ATP6V0E1: variants seen among roughly 807,000 people sequenced by gnomAD.
The protein encoded by ATP6V0E1 is V-type proton ATPase subunit e 1.
Under a neutral mutation model 11.6 loss-of-function variants are expected in ATP6V0E1, and 4 were observed. The observed-to-expected ratio is 0.35, with a 90% CI of 0.17 to 0.79. ATP6V0E1 has a LOEUF of 0.79. Among genes scored for constraint, ATP6V0E1 ranks in the 30% least tolerant of loss-of-function variants. The pLI is 0.54. For synonymous variants in ATP6V0E1, 36 were observed against 34.8 expected (o/e 1.04, Z -0.13); for missense variants, 105 against 100.0 (o/e 1.05, Z -0.21).
At chr5:173,025,233 C>T (rs1756539425) in intron 3 of ATP6V0E1, among the ~76,000 whole-genome samples, 1 of 150,326 alleles carries the variant, frequency 6.7e-6, no homozygotes, top group African/African-American at 2.5e-5. Flanking sequence ...CTGAAACCTC[C>T]ACCTCCCAGG....
At chr5:172,999,974 A>G (rs1339998134) in intron 2 of ATP6V0E1, among the ~76,000 whole-genome samples, 1 of 152,230 alleles carries the variant, frequency 6.6e-6, no homozygotes, top group South Asian at 2.1e-4. Context: ...TTATTCCACA[A>G]AAGAGTGAGA....
intron 3 of ATP6V0E1, among the ~76,000 whole-genome samples, chr5:173,032,954 G>C (rs187776560): frequency 6.6e-6 from 1 of 152,172 alleles, no homozygotes; most frequent in Non-Finnish European, 1.5e-5. Flanking sequence ...AAATTAGCTG[G>C]GCATGATGGC....
intron 3 of ATP6V0E1, among the ~76,000 whole-genome samples, chr5:173,030,289 A>G (rs1382254722): frequency 6.6e-6 from 1 of 152,234 alleles, no homozygotes; most frequent in African/African-American, 2.4e-5. Flanking sequence ...ATAGTAAAGA[A>G]GGAATTATTT....
At chr5:172,999,229 C>T (rs1756116898) in intron 2 of ATP6V0E1, among the ~76,000 whole-genome samples, 1 of 152,134 alleles carries the variant, frequency 6.6e-6, no homozygotes. Context: ...CTTCCTGGTT[C>T]TCCATAGTCT....
intron 3 of ATP6V0E1, among the ~76,000 whole-genome samples, chr5:173,027,298 TAACAC>T: frequency 7.3e-6 from 1 of 136,894 alleles, no homozygotes; most frequent in East Asian, 2.1e-4. Flanking sequence ...CCATCCTGGC[TAACAC>T]GGTGAAACCC....
intron 2 of ATP6V0E1, among the ~76,000 whole-genome samples, chr5:173,013,372 G>A (rs1475677890): frequency 1.3e-5 from 2 of 151,800 alleles, no homozygotes; most frequent in Non-Finnish European, 2.9e-5. Flanking sequence ...TCAGGAGATC[G>A]AGACCATCCT....
chr5:173,009,765 CT>C (rs1169432985), intron 2 of ATP6V0E1, among the ~76,000 whole-genome samples: 1,300 of 117,160 alleles, frequency 0.011, 11 homozygotes, highest in South Asian at 0.033. Flanking sequence ...CGCCTGGCCT[CT>C]TTTTTTTTTT....
intron 2 of ATP6V0E1, among the ~76,000 whole-genome samples, chr5:173,017,605 G>A (rs1285690607): frequency 4.6e-5 from 7 of 151,108 alleles, no homozygotes; most frequent in Admixed American, 4.6e-4. Context: ...CACTTTGGGA[G>A]GCCAAGGTGG....
rs140252347 is a variant in ATP6V0E1 at position 172,997,008 on chromosome 5, T to G, written c.152+2186T>G. Reference sequence around the variant, plus strand: ...TGAAAAAACTCTATTTCAAATAAACTAACAGTTCAAGAAAAGCCTATCAGT... The same window carrying G: ...TGAAAAAACTCTATTTCAAATAAACGAACAGTTCAAGAAAAGCCTATCAGT... On this transcript the variant is annotated intron_variant, in intron 2 of 3. Transcript: ENST00000519374. 7.3e-3 allele frequency among the ~76,000 whole-genome samples: 1,103 copies of G among 151,478 alleles called. 7 individuals carry two copies. Among genetic ancestry groups the G allele is most frequent in the Non-Finnish European group, 0.012 (841 of 67,892 alleles).
intron 3 of ATP6V0E1, among the ~76,000 whole-genome samples, chr5:173,025,514 T>G (rs1756545755): frequency 7.4e-6 from 1 of 134,792 alleles, no homozygotes; most frequent in Non-Finnish European, 1.6e-5. Flanking sequence ...CTTTTTTTTT[T>G]TTTTTTTTTT....
At chr5:173,014,121 A>G (rs1383594030) in intron 2 of ATP6V0E1, among the ~76,000 whole-genome samples, 3 of 150,118 alleles carry the variant, frequency 2.0e-5, no homozygotes, top group African/African-American at 7.4e-5. Context: ...AGATCGTGCC[A>G]CTGCACTCCA....
At chr5:173,026,421 TAAAACATCTCCAAA>T (rs1036832233) in intron 3 of ATP6V0E1, among the ~76,000 whole-genome samples, 8 of 152,226 alleles carry the variant, frequency 5.3e-5, no homozygotes, top group African/African-American at 1.9e-4. Flanking sequence ...TTTGAATATA[TAAAACATCTCCAAA>T]GTCAAATTAT....
At chr5:173,033,863 AC>A (rs1463869370) in intron 3 of ATP6V0E1, among the ~76,000 whole-genome samples, 1 of 152,056 alleles carries the variant, frequency 6.6e-6, no homozygotes, top group African/African-American at 2.4e-5. Context: ...CAAAAATAAA[AC>A]AAAACAAAAA....
intron 2 of ATP6V0E1, 151 bp downstream of exon 2, chr5:172,994,973 A>G (rs1756037293): frequency 1.6e-6 from 1 of 622,812 alleles, no homozygotes; most frequent in Non-Finnish European, 2.7e-6. Flanking sequence ...CAGTATATTT[A>G]TGTAGAGTTG....
chr5:172,988,791 C>T (rs1404723996), intron 1 of ATP6V0E1, among the ~76,000 whole-genome samples: 2 of 152,136 alleles, frequency 1.3e-5, no homozygotes, highest in South Asian at 2.1e-4. Flanking sequence ...CAGGTTCAAG[C>T]GCTTCTCGTG....
At chr5:173,015,885 C>T (rs1756391330) in intron 2 of ATP6V0E1, among the ~76,000 whole-genome samples, 1 of 152,122 alleles carries the variant, frequency 6.6e-6, no homozygotes, top group Non-Finnish European at 1.5e-5. Flanking sequence ...TGCCACCATG[C>T]CCAGCTGATT....
intron 1 of ATP6V0E1, 149 bp downstream of exon 1, chr5:172,984,113 C>A: frequency 1.4e-6 from 1 of 733,770 alleles, no homozygotes; most frequent in East Asian, 2.6e-5. Flanking sequence ...GGCGGAACTC[C>A]TTGTGTTCCT....
intron 1 of ATP6V0E1, among the ~76,000 whole-genome samples, chr5:172,992,038 CTCTT>C (rs1447058269): frequency 6.9e-6 from 1 of 145,076 alleles, no homozygotes; most frequent in African/African-American, 2.7e-5. Flanking sequence ...TTCTCTCTCT[CTCTT>C]TTCTTTCTTT....
chr5:173,028,655 T>A (rs963307859), intron 3 of ATP6V0E1, among the ~76,000 whole-genome samples: 1 of 152,218 alleles, frequency 6.6e-6, no homozygotes, highest in African/African-American at 2.4e-5. Context: ...ATGATTTCTT[T>A]CCTGAATTGA....
Sources: gnomAD v4.1 joint callset for allele counts (sites outside exome capture counted in the v4.1 genomes callset) on GRCh38, gnomAD v4.1.1 for gene constraint, MANE v1.5 for transcripts, NCBI Gene and HGNC (gene_info 2026-07-23, HGNC 2026-07-21) for gene names.